PLXNA4: variants seen among roughly 807,000 people sequenced by gnomAD.
The protein encoded by PLXNA4 is plexin-A4.
PLXNA4 carries 44 observed loss-of-function variants against 191.8 expected under a neutral mutation model. That is an observed-to-expected ratio of 0.23 (90% CI 0.18 to 0.29). PLXNA4 has a LOEUF of 0.29. Ranked by LOEUF, PLXNA4 falls within the 10% of genes least tolerant of loss-of-function variation. PLXNA4 has a pLI of 1.00. For synonymous variants in PLXNA4, 1,082 were observed against 1,009.5 expected, an observed-to-expected ratio of 1.07 and a Z score of -1.36; for missense variants, 1,800 against 2,488.8, an observed-to-expected ratio of 0.72 and a Z score of 5.89.
chr7:132,580,355 C>G (rs1802379774), upstream of PLXNA4, among the ~76,000 whole-genome samples: 1 of 152,098 alleles, frequency 6.6e-6, no homozygotes, highest in African/African-American at 2.4e-5. Flanking sequence ...CCTCCTCTAC[C>G]CCCTCTCCCT....
At chr7:132,295,764 G>C (rs983669966) in intron 4 of PLXNA4, among the ~76,000 whole-genome samples, 1 of 152,016 alleles carries the variant, frequency 6.6e-6, no homozygotes, top group African/African-American at 2.4e-5. Flanking sequence ...CTCTAAGCAC[G>C]GCCAGTGTCT....
intron 29 of PLXNA4, among the ~76,000 whole-genome samples, chr7:132,141,782 T>C (rs545859664): frequency 1.3e-5 from 2 of 152,226 alleles, no homozygotes; most frequent in African/African-American, 4.8e-5. Context: ...CAAGCGGGAG[T>C]GCAGTGGGGC....
intron 2 of PLXNA4, among the ~76,000 whole-genome samples, chr7:132,604,046 C>T (rs1802873921): frequency 6.6e-6 from 1 of 152,092 alleles, no homozygotes; most frequent in Non-Finnish European, 1.5e-5. Context: ...GGTTATTTGC[C>T]CAGCTGTGCC....
intron 2 of PLXNA4, among the ~76,000 whole-genome samples, chr7:132,596,260 A>G (rs942156216): frequency 2.6e-5 from 4 of 152,188 alleles, no homozygotes; most frequent in Admixed American, 2.6e-4. Context: ...AATGGCTGCC[A>G]TCTTGACCTA....
At chr7:132,195,425 C>T (rs149308802) in intron 13 of PLXNA4, among the ~76,000 whole-genome samples, 3,999 of 152,202 alleles carry the variant, frequency 0.026, 94 homozygotes, top group Non-Finnish European at 0.036. Context: ...CAAAATGAAC[C>T]AACTGACACA....
intron 1 of PLXNA4, among the ~76,000 whole-genome samples, chr7:132,526,369 T>C (rs572269545): frequency 5.9e-5 from 9 of 152,152 alleles, no homozygotes; most frequent in Non-Finnish European, 8.8e-5. Flanking sequence ...CTGATCCTCT[T>C]AGCACAGATG....
rs376383889 is a variant in PLXNA4, at chr7:132,622,244, A to T, written c.-87+23684T>A. On this transcript the variant is annotated intron_variant, in intron 2 of 4. Coordinates refer to the PLXNA4 transcript ENST00000378539. ...CACATGTTGAGGATGGCAGAAATACAGAGGAAAGAGGAAAGATGCCTGGGT... is the reference window on the plus strand; with the variant it reads ...CACATGTTGAGGATGGCAGAAATACTGAGGAAAGAGGAAAGATGCCTGGGT... Among the ~76,000 whole-genome samples the T allele has an allele frequency of 5.3e-5, 8 of 152,346 alleles. No individual in the cohort carries two copies. The East Asian group carries it at 1.3e-3, about 26-fold the overall frequency.
chr7:132,471,603 C>T (rs1468291719), intron 3 of PLXNA4, among the ~76,000 whole-genome samples: 2 of 152,154 alleles, frequency 1.3e-5, no homozygotes, highest in Non-Finnish European at 2.9e-5. Context: ...CTCCTCTCTC[C>T]AGTTTCAAAT....
At chr7:132,164,078 C>T in intron 24 of PLXNA4, 64 bp downstream of exon 24, 1 of 1,600,710 alleles carries the variant, frequency 6.2e-7, no homozygotes. Flanking sequence ...CACTGCTGAG[C>T]AGGGCTACCC....
intron 25 of PLXNA4, among the ~76,000 whole-genome samples, chr7:132,149,099 G>C (rs1448285873): frequency 6.6e-6 from 1 of 152,138 alleles, no homozygotes; most frequent in Non-Finnish European, 1.5e-5. Context: ...AACAGCCCCA[G>C]ACCTGTTCCA....
At chr7:132,286,561 C>G (rs745367871) in intron 4 of PLXNA4, among the ~76,000 whole-genome samples, 1 of 152,152 alleles carries the variant, frequency 6.6e-6, no homozygotes, top group Non-Finnish European at 1.5e-5. Context: ...TTCTCCTGCT[C>G]CACATCCTCC....
chr7:132,487,762 C>G (rs1194370823), intron 3 of PLXNA4, among the ~76,000 whole-genome samples: 4 of 152,164 alleles, frequency 2.6e-5, no homozygotes, highest in African/African-American at 9.7e-5. Flanking sequence ...GACACAGGAG[C>G]TGTGTGGGGA....
intron 2 of PLXNA4, among the ~76,000 whole-genome samples, chr7:132,491,106 G>C (rs574217492): frequency 6.6e-6 from 1 of 152,126 alleles, no homozygotes; most frequent in Admixed American, 6.5e-5. Context: ...GAGTTACTCC[G>C]TTTTCCTGTG....
chr7:132,258,658 T>C (rs1442591317), intron 4 of PLXNA4, among the ~76,000 whole-genome samples: 1 of 152,180 alleles, frequency 6.6e-6, no homozygotes, highest in Non-Finnish European at 1.5e-5. Context: ...GTAGGAGCTA[T>C]GCTTAGACCT....
chr7:132,204,598 T>A lies in PLXNA4; in HGVS notation c.2299-1179A>T, dbSNP rs1399691915. 2.6e-5 allele frequency among the ~76,000 whole-genome samples: 4 copies of A among 152,126 alleles called. No individual in the cohort carries two copies. In the East Asian group the frequency reaches 7.7e-4, roughly 29 times the overall value. On this transcript the variant is annotated intron_variant, in intron 10 of 31. Transcript: ENST00000321063. ...GAATTAAAAATTTGGAGGGCTGGGCTAGGGGGATGTTGATGGATATCACAG... is the reference window on the plus strand; with the variant it reads ...GAATTAAAAATTTGGAGGGCTGGGCAAGGGGGATGTTGATGGATATCACAG...
intron 2 of PLXNA4, among the ~76,000 whole-genome samples, chr7:132,602,757 T>A (rs2116842188): frequency 6.6e-6 from 1 of 152,242 alleles, no homozygotes; most frequent in Non-Finnish European, 1.5e-5. Flanking sequence ...AATCAGCCAT[T>A]GATACAGATC....
intron 9 of PLXNA4, among the ~76,000 whole-genome samples, chr7:132,221,205 AAAAG>A (rs1435913271): frequency 3.9e-5 from 6 of 152,092 alleles, no homozygotes; most frequent in Admixed American, 2.0e-4. Flanking sequence ...TTCTATACTT[AAAAG>A]AAAGAAATTT....
chr7:132,486,246 C>T (rs1249815836), intron 3 of PLXNA4, among the ~76,000 whole-genome samples: 3 of 152,236 alleles, frequency 2.0e-5, no homozygotes, highest in African/African-American at 4.8e-5. Flanking sequence ...AGCTCCACAA[C>T]TTGTCACGGC....
intron 3 of PLXNA4, among the ~76,000 whole-genome samples, chr7:132,469,667 A>G (rs905988619): frequency 2.0e-5 from 3 of 152,100 alleles, no homozygotes; most frequent in Admixed American, 2.0e-4. Context: ...ATTCCAATAT[A>G]CCTCTGTGGT....
Sources: allele counts gnomAD v4.1 joint callset (sites outside exome capture counted in the v4.1 genomes callset), GRCh38; gene constraint gnomAD v4.1.1; transcripts MANE v1.5; gene names NCBI Gene and HGNC (gene_info 2026-07-23, HGNC 2026-07-21).